Variants in UNC80 observed in about 807,000 individuals in gnomAD.
UNC80 encodes the protein protein unc-80 homolog.
UNC80 carries 164 observed loss-of-function variants against 384.6 expected under a neutral mutation model. That is an observed-to-expected ratio of 0.43 (90% CI 0.38 to 0.49). UNC80 has a LOEUF of 0.49. Ranked by LOEUF, UNC80 falls within the 20% of genes least tolerant of loss-of-function variation. The probability of loss-of-function intolerance (pLI) is 0.00; values close to 1 mark genes in which losing one functional copy is unlikely to be tolerated. For synonymous variants in UNC80, 1,486 were observed against 1,527.8 expected, an observed-to-expected ratio of 0.97 and a Z score of 0.64; for missense variants, 3,330 against 4,143.0, an observed-to-expected ratio of 0.80 and a Z score of 5.39.
intron 58 of UNC80, among the ~76,000 whole-genome samples, chr2:209,977,412 C>G (rs1034259788): frequency 1.3e-5 from 2 of 151,986 alleles, no homozygotes; most frequent in African/African-American, 2.4e-5. Flanking sequence ...CCTTTATTTC[C>G]TTTTGGAAAA....
At chr2:209,992,338 T>A (rs1440044511) in intron 62 of UNC80, 91 bp downstream of exon 62, 2 of 1,248,550 alleles carry the variant, frequency 1.6e-6, no homozygotes, top group Non-Finnish European at 2.2e-6. Context: ...GATATTTTGC[T>A]GCTGGACGTG....
chr2:209,900,554 C>T (rs529767486), intron 28 of UNC80, among the ~76,000 whole-genome samples: 1 of 152,294 alleles, frequency 6.6e-6, no homozygotes, highest in African/African-American at 2.4e-5. Flanking sequence ...CCCTGAGACA[C>T]AGCAATATTG....
intron 22 of UNC80, among the ~76,000 whole-genome samples, chr2:209,865,840 C>A (rs2083708107): frequency 6.6e-6 from 1 of 152,156 alleles, no homozygotes; most frequent in South Asian, 2.1e-4. Context: ...CTCTCAATTA[C>A]AATTTAATTG....
At chr2:209,970,167 G>T in intron 53 of UNC80, 1 of 396,326 alleles carries the variant, frequency 2.5e-6, no homozygotes, top group South Asian at 4.8e-5. Flanking sequence ...GTTGAGGGCT[G>T]CCAGTTGGAG....
chr2:209,810,481 G>A (rs2079259963), intron 7 of UNC80, among the ~76,000 whole-genome samples: 1 of 152,084 alleles, frequency 6.6e-6, no homozygotes, highest in African/African-American at 2.4e-5. Context: ...AAAGATTCCT[G>A]GACCTCATCC....
At chr2:209,923,916 G>C (rs1430587220) in intron 35 of UNC80, among the ~76,000 whole-genome samples, 1 of 151,950 alleles carries the variant, frequency 6.6e-6, no homozygotes, top group East Asian at 1.9e-4. Context: ...TGCAGTTTTG[G>C]ATAAGGTAAG....
chr2:209,913,760 T>G, intron 30 of UNC80, 42 bp from the exon 31 acceptor site: 1 of 1,514,574 alleles, frequency 6.6e-7, no homozygotes, highest in Non-Finnish European at 8.9e-7. Context: ...CAGTATTCAC[T>G]GTCTTAAAAG....
At chr2:209,954,439 A>G (rs965375382) in intron 48 of UNC80, 169 bp downstream of exon 48, 1 of 482,342 alleles carries the variant, frequency 2.1e-6, no homozygotes, top group East Asian at 3.3e-5. Context: ...TTCGTGAGTT[A>G]TTTGAATAAA....
At chr2:209,842,003 C>T (rs774380766) in intron 20 of UNC80, among the ~76,000 whole-genome samples, 3 of 152,192 alleles carry the variant, frequency 2.0e-5, no homozygotes. Context: ...TGGTCTGATT[C>T]TCAATTGTGG....
rs2124907302 is a variant in UNC80, at chr2:209,888,139, G to A, written c.4155G>A (p.Arg1385=). ...CRLRLDPELD[R]HRYERKISFA... is the part of the protein sequence containing the mutation. Reference sequence around the variant, plus strand: ...TTCGTTTGGATCCCGAGTTGGACCGGCACAGATATGAGAGGAAGATCAGCT... The same window carrying A: ...TTCGTTTGGATCCCGAGTTGGACCGACACAGATATGAGAGGAAGATCAGCT... The change falls in exon 26 of 65, where the codon CGG becomes CGA. Residue 1385 remains arginine (R), a synonymous_variant. Coordinates refer to ENST00000673920, the MANE Select transcript of UNC80 (RefSeq NM_001371986.1). The A allele has an allele frequency of 5.2e-6, 8 of 1,551,656 alleles. No homozygotes were observed. Among genetic ancestry groups the A allele is most frequent in the Non-Finnish European group, 4.4e-6 (5 of 1,146,974 alleles).
intron 39 of UNC80, among the ~76,000 whole-genome samples, chr2:209,934,935 A>G (rs1475809929): frequency 6.6e-6 from 1 of 152,256 alleles, no homozygotes; most frequent in Non-Finnish European, 1.5e-5. Context: ...TAACATACTT[A>G]AAAACAACTC....
At chr2:209,852,183 C>T (rs915038494) in intron 22 of UNC80, among the ~76,000 whole-genome samples, 2 of 151,948 alleles carry the variant, frequency 1.3e-5, no homozygotes, top group Non-Finnish European at 2.9e-5. Context: ...GAGGATCAAG[C>T]AGTGTGTGGG....
At chr2:209,797,910 G>C (rs1340534231) in intron 7 of UNC80, among the ~76,000 whole-genome samples, 1 of 152,194 alleles carries the variant, frequency 6.6e-6, no homozygotes, top group African/African-American at 2.4e-5. Flanking sequence ...TTGATGATCA[G>C]TGATGTTGAG....
At chr2:209,825,708 A>AT (rs1320518419) in intron 13 of UNC80, among the ~76,000 whole-genome samples, 199 bp from the exon 14 acceptor site, 1 of 152,106 alleles carries the variant, frequency 6.6e-6, no homozygotes, top group East Asian at 1.9e-4. Context: ...AAATACGTAG[A>AT]TTTTTTTCTT....
chr2:209,789,502 A>C, intron 5 of UNC80, 30 bp from the exon 6 acceptor site: 1 of 1,546,212 alleles, frequency 6.5e-7, no homozygotes. Context: ...AAAACCTTAC[A>C]AAACGATGGA....
Position 209,937,535 on chromosome 2 carries a change from G to C in UNC80, c.6370G>C (p.Val2124Leu). ...WNLIHYNKTY[V>L]RDIYPFRRSV... is the part of the protein sequence containing the mutation. ...CTTTATGTAATCCACACAGACCTAT[G>C]TTCGAGATATTTATCCTTTCCGGAG... The change falls in exon 42 of 65, where the codon GTT becomes CTT. Residue 2124 changes from valine (V) to leucine (L), a missense_variant. Val to Leu is a conservative substitution (Grantham distance 32). Coordinates refer to ENST00000673920, the MANE Select transcript of UNC80 (RefSeq NM_001371986.1). The C allele has an allele frequency of 6.5e-7, 1 of 1,550,038 alleles. No homozygotes were observed. Among genetic ancestry groups the C allele is most frequent in the Non-Finnish European group, 8.7e-7 (1 of 1,145,520 alleles).
At chr2:209,988,884 T>G (rs2093341336) in intron 61 of UNC80, among the ~76,000 whole-genome samples, 2 of 152,212 alleles carry the variant, frequency 1.3e-5, no homozygotes, top group Non-Finnish European at 2.9e-5. Flanking sequence ...TATAAGAGAT[T>G]ATTTACTCCT....
chr2:209,829,120 G>A (rs983887427), intron 14 of UNC80, 112 bp from the exon 15 acceptor site: 57 of 1,297,680 alleles, frequency 4.4e-5, no homozygotes, highest in East Asian at 7.6e-5. Context: ...TGTCACCAGC[G>A]AGTGGGGATG....
chr2:209,815,005 T>G (rs560102865), intron 8 of UNC80, among the ~76,000 whole-genome samples: 4 of 152,154 alleles, frequency 2.6e-5, no homozygotes, highest in African/African-American at 9.6e-5. Flanking sequence ...CCATCTTCTC[T>G]CTATTTTCTT....
Sources: allele counts gnomAD v4.1 joint callset (sites outside exome capture counted in the v4.1 genomes callset), GRCh38; gene constraint gnomAD v4.1.1; transcripts MANE v1.5; gene names NCBI Gene and HGNC (gene_info 2026-07-23, HGNC 2026-07-21).